The following ACYP1 variants were observed in gnomAD, a reference collection of about 807,000 sequenced individuals.
The protein encoded by ACYP1 is acylphosphatase 1.
Under a neutral mutation model 10.4 loss-of-function variants are expected in ACYP1, and 8 were observed. The ratio of observed to expected loss-of-function variants is 0.77; its 90% CI spans 0.45 to 1.38. ACYP1 has a LOEUF of 1.38. ACYP1 is among the 40% of genes most tolerant of loss of function. The probability of loss-of-function intolerance (pLI) is 0.00; values close to 1 mark genes in which losing one functional copy is unlikely to be tolerated. For missense variants in ACYP1, 93 were observed against 117.3 expected, an observed-to-expected ratio of 0.79 and a Z score of 0.96; for synonymous variants, 38 against 40.8, an observed-to-expected ratio of 0.93 and a Z score of 0.26.
chr14:75,060,412 T>A (rs1055864707), intron 2 of ACYP1, among the ~76,000 whole-genome samples: 6 of 152,204 alleles, frequency 3.9e-5, no homozygotes, highest in Non-Finnish European at 7.4e-5. Context: ...ATAGCTACTT[T>A]GGAAAAGTTT....
exon 1 of ACYP1, chr14:75,069,388 A>G (rs2139668616): frequency 1.0e-6 from 1 of 994,494 alleles, no homozygotes; most frequent in Non-Finnish European, 1.4e-6. Flanking sequence ...TCAGAAAAGT[A>G]CAAGTTCTTC....
In ACYP1 at chr14:75,063,572, C is replaced by T. The variant is rs1281857652; in HGVS notation, c.-8-11G>A. On this transcript the variant is annotated splice_polypyrimidine_tract_variant and intron_variant, in intron 1 of 2. Coordinates refer to ENST00000238618, the MANE Select transcript of ACYP1 (RefSeq NM_001107.5). Reference sequence around the variant, plus strand: ...CTGCCATGCTCAAACCTGTCAGAAACCAGGAAAGCAGAAGAGTGAAGGGCT... The same window carrying T: ...CTGCCATGCTCAAACCTGTCAGAAATCAGGAAAGCAGAAGAGTGAAGGGCT... The T allele has an allele frequency of 6.2e-7, 1 of 1,610,308 alleles. No individual in the cohort carries two copies.
upstream of ACYP1, chr14:75,064,125 C>G (rs1201291472): frequency 5.0e-6 from 4 of 792,488 alleles, no homozygotes; most frequent in Non-Finnish European, 6.1e-6. Context: ...TCGGCCCGGG[C>G]CCGCCCAGAA....
At chr14:75,063,623 G>T in intron 1 of ACYP1, 62 bp from the exon 2 acceptor site, 5 of 1,382,202 alleles carry the variant, frequency 3.6e-6, no homozygotes, top group Non-Finnish European at 4.1e-6. Context: ...GCAAGCCTGA[G>T]TCAGAAAGGG....
chr14:75,053,503 A>G lies in ACYP1; in HGVS notation c.241T>C (p.Phe81Leu). The G allele has an allele frequency of 1.2e-6, 2 of 1,614,130 alleles. No homozygotes were observed. Among genetic ancestry groups the G allele is most frequent in the Non-Finnish European group, 1.7e-6 (2 of 1,180,032 alleles). The change falls in exon 3 of 3, where the codon TTC (phenylalanine) becomes CTC (leucine). Residue 81 changes from phenylalanine to leucine, a missense_variant. Coordinates refer to ENST00000238618, the MANE Select transcript of ACYP1 (RefSeq NM_001107.5). Reference protein sequence around the residue: ...SPKSHIDKANFNNEKVILKLD... With the variant: ...SPKSHIDKANLNNEKVILKLD... ...TTCAAGATGACTTTTTCATTGTTGA[A>G]GTTTGCTTTGTCGATGTGTGATTTA...
chr14:75,069,387 T>C, exon 1 of ACYP1: 1 of 993,366 alleles, frequency 1.0e-6, no homozygotes, highest in South Asian at 1.9e-5. Context: ...CTCAGAAAAG[T>C]ACAAGTTCTT....
intron 2 of ACYP1, among the ~76,000 whole-genome samples, chr14:75,055,796 A>G (rs1442874623): frequency 6.6e-6 from 1 of 151,514 alleles, no homozygotes; most frequent in Non-Finnish European, 1.5e-5. Context: ...AAATTAATGG[A>G]AAGCAGAAGA....
intron 2 of ACYP1, 89 bp from the exon 3 acceptor site, chr14:75,053,748 T>C (rs1892806954): frequency 8.0e-7 from 1 of 1,251,584 alleles, no homozygotes; most frequent in Non-Finnish European, 1.1e-6. Context: ...TGGCCTAGAA[T>C]CAAGCCACTG....
At chr14:75,059,217 A>T (rs531161426) in intron 2 of ACYP1, among the ~76,000 whole-genome samples, 19 of 148,526 alleles carry the variant, frequency 1.3e-4, no homozygotes, top group Admixed American at 2.7e-4. Flanking sequence ...AAACATAGGC[A>T]TGACAGCAGC....
chr14:75,063,393 C>T, intron 2 of ACYP1, 77 bp downstream of exon 2: 1 of 1,241,688 alleles, frequency 8.1e-7, no homozygotes, highest in African/African-American at 1.5e-5. Context: ...GCTTCTAGTT[C>T]ACATTTGTCA....
chr14:75,054,372 C>CT lies in ACYP1; in HGVS notation c.85-714dup, dbSNP rs572183352. Among the ~76,000 whole-genome samples, 46 of 151,664 alleles carry CT rather than the reference C, an allele frequency of 3.0e-4. 2 individuals carry two copies. In the South Asian group the frequency reaches 9.6e-3, roughly 32 times the overall value. The stretch of plus-strand genomic sequence containing the variant: ...TCTTCTGTCTAAATAATCACAATGC[C>CT]TTTAGGCTTATAAAAAGCATCTAAT... On this transcript the variant is annotated intron_variant, in intron 2 of 2. Coordinates refer to ENST00000238618, the MANE Select transcript of ACYP1 (RefSeq NM_001107.5).
At chr14:75,064,090 C>T (rs1310305778), upstream of ACYP1, 2 of 959,866 alleles carry the variant, frequency 2.1e-6, no homozygotes, top group African/African-American at 3.5e-5. Context: ...CCATCACCTC[C>T]AGCTGACCAA....
Position 75,064,016 on chromosome 14 carries a change from A to G in ACYP1, c.-71T>C. 1 of 988,430 alleles carries G rather than the reference A, an allele frequency of 1.0e-6. No homozygotes were observed. The highest frequency in any genetic ancestry group is 1.2e-6 in the Non-Finnish European group (1 of 831,590). The allele number at this position is 988,430 out of a possible 1,614,324, so 61.2% of individuals were successfully genotyped here. A position where few individuals can be genotyped will look rare whatever the true frequency, so the allele number is the denominator to read the frequency against. On this transcript the variant is annotated 5_prime_UTR_variant, in exon 1 of 3. Transcript: ENST00000238618. ...GGGACCACCACGCCAACGGCTCACC[A>G]AGGCGCGCAAACCTCCGCGCCCGGA... is the stretch of plus-strand genomic sequence containing the variant.
chr14:75,053,949 T>G (rs1290614067), intron 2 of ACYP1, among the ~76,000 whole-genome samples: 2 of 152,194 alleles, frequency 1.3e-5, no homozygotes, highest in Non-Finnish European at 2.9e-5. Context: ...AAACAGATGC[T>G]TTTGAAATGA....
At chr14:75,056,722 CAAG>C (rs1892887005) in intron 2 of ACYP1, among the ~76,000 whole-genome samples, 1 of 151,510 alleles carries the variant, frequency 6.6e-6, no homozygotes, top group South Asian at 2.1e-4. Context: ...GTTCAATATA[CAAG>C]AAGTAATCAA....
At chr14:75,069,231 C>A (rs773577645) in exon 1 of ACYP1, 2 of 1,503,962 alleles carry the variant, frequency 1.3e-6, no homozygotes, top group South Asian at 2.5e-5. Context: ...CCAGCGCAGC[C>A]GAGCGCGCGG....
At chr14:75,061,616 T>C (rs1378297806) in intron 2 of ACYP1, 1 of 1,196,524 alleles carries the variant, frequency 8.4e-7, no homozygotes, top group South Asian at 1.4e-5. Flanking sequence ...ATCTGACCCT[T>C]TTCCCTCAAC....
chr14:75,053,656 C>T lies in ACYP1; in HGVS notation c.88G>A (p.Glu30Lys), dbSNP rs760832364. ...GVFFRKHTQA[E>K]GKKLGLVGWV... is the part of the protein sequence containing the mutation. ...CCTACCAATCCCAGCTTTTTACCCT[C>T]AGCCTAAGGGGGGTAAAAAGAGAGA... The change falls in exon 3 of 3, where the codon GAG becomes AAG. Residue 30 changes from glutamate to lysine, a missense_variant. Coordinates refer to ENST00000238618, the MANE Select transcript of ACYP1 (RefSeq NM_001107.5). 6.8e-6 allele frequency: 11 copies of T among 1,613,972 alleles called. No individual in the cohort carries two copies. The Admixed American group carries it at 1.8e-4, about 27-fold the overall frequency.
At chr14:75,069,084 A>G (rs573121020) in intron 1 of ACYP1, 16 of 974,646 alleles carry the variant, frequency 1.6e-5, no homozygotes, top group Non-Finnish European at 2.2e-5. Flanking sequence ...GTAAAACATT[A>G]TAATATCAAA....
Sources: allele counts gnomAD v4.1 joint callset (sites outside exome capture counted in the v4.1 genomes callset), GRCh38; gene constraint gnomAD v4.1.1; transcripts MANE v1.5; gene names NCBI Gene and HGNC (gene_info 2026-07-23, HGNC 2026-07-21).